The following EEIG2 variants were observed in gnomAD, a reference collection of about 807,000 sequenced individuals.
The protein encoded by EEIG2 is EEIG family member 2, also known as family with sequence similarity 102 member B.
At chr1:108,581,722 C>T in the EEIG2 span, among the ~76,000 whole-genome samples, 1 of 152,144 alleles carries the variant, frequency 6.6e-6, no homozygotes, top group Non-Finnish European at 1.5e-5. Context: ...TGAGGTGCTT[C>T]TCTACATATG....
chr1:108,597,905 C>T, the EEIG2 span, among the ~76,000 whole-genome samples: 7,525 of 152,258 alleles, frequency 0.049, 609 homozygotes, highest in African/African-American at 0.17. Context: ...AACAACCAAG[C>T]GCCTTGATGC....
At chr1:108,623,392 G>T in the EEIG2 span, among the ~76,000 whole-genome samples, 6 of 152,180 alleles carry the variant, frequency 3.9e-5, no homozygotes, top group Non-Finnish European at 8.8e-5. Context: ...CTAACTGGGG[G>T]ACTAAGGAAG....
chr1:108,588,727 A>AC, the EEIG2 span, among the ~76,000 whole-genome samples: 1 of 125,270 alleles, frequency 8.0e-6, no homozygotes, highest in African/African-American at 3.3e-5. Flanking sequence ...AGGTTATTTG[A>AC]CTTTTTTTTT....
At chr1:108,593,494 A>G in the EEIG2 span, among the ~76,000 whole-genome samples, 1 of 152,222 alleles carries the variant, frequency 6.6e-6, no homozygotes, top group African/African-American at 2.4e-5. Flanking sequence ...GAGGTCAGGA[A>G]AATGCAGTCT....
chr1:108,560,469 A>T, the EEIG2 span: 20 of 1,613,366 alleles, frequency 1.2e-5, no homozygotes, highest in Non-Finnish European at 1.7e-5. Context: ...GTGGACTTCG[A>T]GCTCGAGGAG....
the EEIG2 span, chr1:108,629,821 T>A: frequency 1.5e-6 from 1 of 675,738 alleles, no homozygotes; most frequent in Non-Finnish European, 2.7e-6. Context: ...GCTCTCAGTT[T>A]TCTTAATTCT....
At chr1:108,620,511 G>C in the EEIG2 span, among the ~76,000 whole-genome samples, 1 of 152,164 alleles carries the variant, frequency 6.6e-6, no homozygotes, top group East Asian at 1.9e-4. Context: ...TATTTTGAGA[G>C]AGAAAGTGTA....
At chr1:108,637,448 TGA>T in the EEIG2 span, 1 of 152,026 alleles carries the variant, frequency 6.6e-6, no homozygotes. Context: ...TGTCCTTTTC[TGA>T]GAGCATGGTT....
the EEIG2 span, among the ~76,000 whole-genome samples, chr1:108,634,691 A>G: frequency 2.6e-5 from 4 of 152,194 alleles, no homozygotes; most frequent in Non-Finnish European, 5.9e-5. Context: ...AGACCCTGCC[A>G]TGAAAACGCC....
the EEIG2 span, among the ~76,000 whole-genome samples, chr1:108,583,420 G>A: frequency 2.6e-5 from 4 of 151,076 alleles, no homozygotes. Flanking sequence ...GCTGGGATAG[G>A]AATGAGCCAT....
At chr1:108,629,701 T>A in the EEIG2 span, 2 of 1,479,174 alleles carry the variant, frequency 1.4e-6, no homozygotes, top group South Asian at 2.4e-5. Flanking sequence ...AGACTAATTT[T>A]TTTAAAAAAA....
the EEIG2 span, chr1:108,628,263 G>C: frequency 6.2e-7 from 1 of 1,614,132 alleles, no homozygotes; most frequent in South Asian, 1.1e-5. Context: ...AAAGTATCAG[G>C]TAGAGGCTAA....
chr1:108,618,136 A>G, the EEIG2 span, among the ~76,000 whole-genome samples: 1 of 152,184 alleles, frequency 6.6e-6, no homozygotes, highest in Non-Finnish European at 1.5e-5. Context: ...GATATAACAT[A>G]TTTGAGTACC....
At chr1:108,601,017 G>T in the EEIG2 span, among the ~76,000 whole-genome samples, 3 of 152,142 alleles carry the variant, frequency 2.0e-5, no homozygotes, top group East Asian at 5.8e-4. Context: ...GGAACTTTAT[G>T]TGTAATATAT....
At chr1:108,588,486 G>T in the EEIG2 span, among the ~76,000 whole-genome samples, 1 of 151,794 alleles carries the variant, frequency 6.6e-6, no homozygotes, top group Non-Finnish European at 1.5e-5. Context: ...CATACTTCTT[G>T]GCCATTTGTA....
chr1:108,600,529 A>G, the EEIG2 span: 3 of 1,605,922 alleles, frequency 1.9e-6, no homozygotes, highest in Non-Finnish European at 2.6e-6. Context: ...GTCATCAATA[A>G]TAGTTAATTA....
At chr1:108,599,597 A>AAT in the EEIG2 span, among the ~76,000 whole-genome samples, 2 of 152,212 alleles carry the variant, frequency 1.3e-5, no homozygotes, top group Non-Finnish European at 2.9e-5. Flanking sequence ...TCCTTTGTGG[A>AAT]CAAGTGGGCT....
the EEIG2 span, among the ~76,000 whole-genome samples, chr1:108,570,777 T>G: frequency 6.6e-6 from 1 of 151,886 alleles, no homozygotes; most frequent in African/African-American, 2.4e-5. Context: ...ATCTAAAGAA[T>G]CAGTAATGGG....
the EEIG2 span, among the ~76,000 whole-genome samples, chr1:108,604,681 G>T: frequency 6.6e-6 from 1 of 152,060 alleles, no homozygotes; most frequent in African/African-American, 2.4e-5. Context: ...TGAATAAGAT[G>T]AAGATCGGGA....
Sources: allele counts gnomAD v4.1 joint callset (sites outside exome capture counted in the v4.1 genomes callset), GRCh38; gene constraint gnomAD v4.1.1; transcripts MANE v1.5; gene names NCBI Gene and HGNC (gene_info 2026-07-23, HGNC 2026-07-21).